DMD: variants seen among roughly 807,000 people sequenced by gnomAD.
The protein encoded by DMD is dystrophin.
In DMD, 63 loss-of-function variants were observed where a neutral mutation model predicts 330.1. The observed-to-expected ratio is 0.19, with a 90% CI of 0.16 to 0.24. The LOEUF (loss-of-function observed/expected upper bound fraction) is 0.24, where lower values mean the gene tolerates loss of function less well. Ranked by LOEUF, DMD falls within the 10% of genes least tolerant of loss-of-function variation. The pLI is 1.00. For synonymous variants in DMD, 1,223 were observed against 959.8 expected (o/e 1.27, Z -5.07); for missense variants, 3,344 against 2,684.1 (o/e 1.25, Z -5.43).
chrX:31,278,338 C>T (rs1405965847), intron 62 of DMD, among the ~76,000 whole-genome samples: 1 of 111,258 alleles, frequency 9.0e-6, no homozygotes, highest in Non-Finnish European at 1.9e-5. Context: ...GTCTTATTCC[C>T]TGGTAAGGGC....
chrX:33,138,853 G>A (rs2047650836), intron 1 of DMD, among the ~76,000 whole-genome samples: 1 of 110,759 alleles, frequency 9.0e-6, no homozygotes, highest in African/African-American at 3.3e-5. Context: ...TTGATGTTTC[G>A]CATATCTGAT....
intron 1 of DMD, among the ~76,000 whole-genome samples, chrX:33,258,528 C>T (rs1164485558): frequency 9.0e-6 from 1 of 111,113 alleles, no homozygotes; most frequent in Non-Finnish European, 1.9e-5. Flanking sequence ...CTGATTTGTT[C>T]TTAGACTTTA....
intron 29 of DMD, among the ~76,000 whole-genome samples, chrX:32,422,271 C>T (rs1236015262): frequency 9.0e-6 from 1 of 111,248 alleles, no homozygotes; most frequent in Admixed American, 9.6e-5. Flanking sequence ...GAATAATCAT[C>T]AGAATGAACT....
At chrX:32,329,417 G>A (rs1261189603) in intron 41 of DMD, among the ~76,000 whole-genome samples, 1 of 111,864 alleles carries the variant, frequency 8.9e-6, no homozygotes, top group Non-Finnish European at 1.9e-5. Context: ...TAATTGCAAT[G>A]ACCTGAGGTA....
intron 55 of DMD, among the ~76,000 whole-genome samples, chrX:31,554,700 T>A (rs1259603347): frequency 1.2e-4 from 14 of 112,018 alleles, no homozygotes. Context: ...ATTCACTCAC[T>A]CCATTCACTT....
At chrX:33,246,531 T>C (rs1350956705) in intron 1 of DMD, among the ~76,000 whole-genome samples, 3 of 111,887 alleles carry the variant, frequency 2.7e-5, no homozygotes, top group Non-Finnish European at 5.6e-5. Context: ...ATTCTGTTAC[T>C]TGACAATTTA....
chrX:32,408,121 TAAAAA>T (rs1195458138), intron 30 of DMD, among the ~76,000 whole-genome samples: 1 of 109,436 alleles, frequency 9.1e-6, no homozygotes, highest in Admixed American at 9.7e-5. Flanking sequence ...CTTAAAGTAT[TAAAAA>T]AAAAGACTGT....
chrX:33,041,348 G>A, intron 1 of DMD: 1 of 1,163,659 alleles, frequency 8.6e-7, no homozygotes, highest in East Asian at 3.2e-5. Context: ...CGCCCTCCAC[G>A]GTTACCCCGG....
At chrX:32,206,672 A>G in intron 44 of DMD, 1 of 501,911 alleles carries the variant, frequency 2.0e-6, no homozygotes, top group Admixed American at 2.4e-5. Flanking sequence ...AATTATGTGA[A>G]GAATTGCTTC....
At chrX:32,470,390 AT>A (rs2040501406) in intron 22 of DMD, among the ~76,000 whole-genome samples, 1 of 111,367 alleles carries the variant, frequency 9.0e-6, no homozygotes, top group Non-Finnish European at 1.9e-5. Flanking sequence ...GCTTCCCCAC[AT>A]TTTTTGAACA....
intron 11 of DMD, among the ~76,000 whole-genome samples, chrX:32,638,069 G>A (rs777264624): frequency 1.8e-5 from 2 of 111,515 alleles, no homozygotes; most frequent in South Asian, 7.6e-4. Context: ...ATTATTGACA[G>A]AAAAATTATT....
At chrX:31,191,708 T>C in intron 67 of DMD, among the ~76,000 whole-genome samples, 1 of 111,971 alleles carries the variant, frequency 8.9e-6, no homozygotes, top group Non-Finnish European at 1.9e-5. Flanking sequence ...AATGACCCTC[T>C]CTCTTTTGTA....
intron 51 of DMD, among the ~76,000 whole-genome samples, chrX:31,742,658 A>G (rs2087458555): frequency 1.8e-5 from 2 of 111,941 alleles, no homozygotes. Flanking sequence ...GAAGAATGCA[A>G]CTGGACCCCC....
chrX:31,189,104 T>A (rs2042075647), intron 67 of DMD, among the ~76,000 whole-genome samples: 1 of 111,648 alleles, frequency 9.0e-6, no homozygotes, highest in Non-Finnish European at 1.9e-5. Context: ...CTCATTTTTC[T>A]CTCAAGGTAA....
At chrX:33,012,626 T>C (rs1168026945) in intron 2 of DMD, among the ~76,000 whole-genome samples, 1 of 111,468 alleles carries the variant, frequency 9.0e-6, no homozygotes, top group Non-Finnish European at 1.9e-5. Flanking sequence ...AGAAACCGTA[T>C]TTTGAGTACC....
At chrX:31,458,521 A>G (rs2066327220) in intron 59 of DMD, among the ~76,000 whole-genome samples, 1 of 108,402 alleles carries the variant, frequency 9.2e-6, no homozygotes, top group South Asian at 4.0e-4. Context: ...TTCCAAAAAA[A>G]AAAAAAAAAA....
At chrX:31,934,210 A>G (rs993416864) in intron 45 of DMD, among the ~76,000 whole-genome samples, 4 of 111,892 alleles carry the variant, frequency 3.6e-5, no homozygotes, top group Non-Finnish European at 7.5e-5. Flanking sequence ...AAGCATGAAG[A>G]TAGATCAGCA....
chrX:32,400,095 T>C, intron 30 of DMD, among the ~76,000 whole-genome samples: 1 of 111,853 alleles, frequency 8.9e-6, no homozygotes, highest in East Asian at 2.8e-4. Flanking sequence ...GCTGTGGGTT[T>C]GTCATAGATA....
At chrX:32,279,353 C>A (rs1292161576) in intron 43 of DMD, among the ~76,000 whole-genome samples, 1 of 111,720 alleles carries the variant, frequency 9.0e-6, no homozygotes, top group African/African-American at 3.3e-5. Context: ...AAAGAGATAT[C>A]TGTACTCCCA....
Sources: gnomAD v4.1 joint callset for allele counts (sites outside exome capture counted in the v4.1 genomes callset) on GRCh38, gnomAD v4.1.1 for gene constraint, MANE v1.5 for transcripts, NCBI Gene and HGNC (gene_info 2026-07-23, HGNC 2026-07-21) for gene names.